Variants in NXPH2 observed in about 807,000 individuals in gnomAD.
NXPH2 encodes neurexophilin 2.
In NXPH2, 5 loss-of-function variants were observed where a neutral mutation model predicts 19.8. That is an observed-to-expected ratio of 0.25 (90% CI 0.13 to 0.53). The LOEUF (loss-of-function observed/expected upper bound fraction) is 0.53, where lower values mean the gene tolerates loss of function less well. Among genes scored for constraint, NXPH2 ranks in the 20% least tolerant of loss-of-function variants. The pLI, the probability that NXPH2 is intolerant of heterozygous loss-of-function variation, is 0.96. For synonymous variants in NXPH2, 154 were observed against 127.4 expected, an observed-to-expected ratio of 1.21 and a Z score of -1.41; for missense variants, 289 against 322.8, an observed-to-expected ratio of 0.90 and a Z score of 0.80.
chr2:138,727,282 A>G (rs770766174), intron 1 of NXPH2, among the ~76,000 whole-genome samples: 32 of 152,314 alleles, frequency 2.1e-4, no homozygotes, highest in South Asian at 6.2e-4. Context: ...ACTTATCTGG[A>G]TAAATATCAC....
chr2:138,757,730 A>G (rs535254463), intron 1 of NXPH2, among the ~76,000 whole-genome samples: 2 of 152,234 alleles, frequency 1.3e-5, no homozygotes, highest in African/African-American at 4.8e-5. Flanking sequence ...ATGCACACAC[A>G]GATAAAAATA....
chr2:138,730,108 C>T (rs1390301878), intron 1 of NXPH2, among the ~76,000 whole-genome samples: 2 of 152,124 alleles, frequency 1.3e-5, no homozygotes, highest in East Asian at 3.8e-4. Flanking sequence ...ATAATTGCTT[C>T]CTCTTACAAG....
At chr2:138,727,861 G>A (rs1250524771) in intron 1 of NXPH2, among the ~76,000 whole-genome samples, 1 of 152,048 alleles carries the variant, frequency 6.6e-6, no homozygotes, top group Non-Finnish European at 1.5e-5. Context: ...TGTGTACCTT[G>A]CCAATCTTTC....
chr2:138,700,543 G>A (rs1680904206), intron 1 of NXPH2, among the ~76,000 whole-genome samples: 1 of 152,076 alleles, frequency 6.6e-6, no homozygotes, highest in South Asian at 2.1e-4. Context: ...ATTTTGCACT[G>A]ACATTTAATT....
intron 1 of NXPH2, among the ~76,000 whole-genome samples, chr2:138,755,016 T>C (rs372965894): frequency 6.6e-6 from 1 of 152,200 alleles, no homozygotes. Context: ...ACATCTTCTA[T>C]GATTAGGTAT....
intron 1 of NXPH2, among the ~76,000 whole-genome samples, chr2:138,734,287 G>C (rs1483866893): frequency 6.6e-6 from 1 of 152,166 alleles, no homozygotes; most frequent in Non-Finnish European, 1.5e-5. Context: ...TAAAGGGCAG[G>C]TCTAGAATTC....
chr2:138,720,551 C>T (rs1254495528), intron 1 of NXPH2, among the ~76,000 whole-genome samples: 1 of 152,182 alleles, frequency 6.6e-6, no homozygotes, highest in Non-Finnish European at 1.5e-5. Context: ...TATGTCACTG[C>T]AAAATGGATG....
chr2:138,682,439 G>T (rs564791416), intron 1 of NXPH2, among the ~76,000 whole-genome samples: 1 of 152,102 alleles, frequency 6.6e-6, no homozygotes. Flanking sequence ...ATTAAAAGAA[G>T]AATGACAAAA....
chr2:138,689,328 C>T (rs1680710012), intron 1 of NXPH2, among the ~76,000 whole-genome samples: 1 of 152,096 alleles, frequency 6.6e-6, no homozygotes. Flanking sequence ...GACTCCTGGC[C>T]CCAGAGGAGG....
rs376842518 is a variant in NXPH2, at chr2:138,671,441, C to T, written c.276G>A (p.Glu92=). Residue 92 remains glutamate, a synonymous_variant, in exon 2 of 2, where the codon GAG becomes GAA. Transcript: ENST00000272641. The stretch of plus-strand genomic sequence containing the variant: ...GCCTCCGTTTAGTTCTTGCCAATGG[C>T]TCCTGAATCTCCGTGATGTTGGCCA... The part of the protein sequence containing the change: ...DWLANITEIQ[E]PLARTKRRPI... 191 of 1,613,810 alleles carry T rather than the reference C, an allele frequency of 1.2e-4. No individual in the cohort carries two copies. The highest frequency in any genetic ancestry group is 3.2e-4 in the South Asian group (29 of 91,070).
chr2:138,756,706 A>C (rs141799440), intron 1 of NXPH2, among the ~76,000 whole-genome samples: 1 of 152,190 alleles, frequency 6.6e-6, no homozygotes, highest in Non-Finnish European at 1.5e-5. Flanking sequence ...TAGCAACTCT[A>C]TTGGCAGAAG....
chr2:138,759,957 C>T, intron 1 of NXPH2, among the ~76,000 whole-genome samples: 1 of 152,006 alleles, frequency 6.6e-6, no homozygotes, highest in East Asian at 1.9e-4. Context: ...ACTTGATCTC[C>T]TGACCTTGTG....
At chr2:138,698,733 G>C (rs1680867333) in intron 1 of NXPH2, among the ~76,000 whole-genome samples, 1 of 152,042 alleles carries the variant, frequency 6.6e-6, no homozygotes, top group Non-Finnish European at 1.5e-5. Flanking sequence ...GCGTGCCTGT[G>C]GTTCCAGCTA....
intron 1 of NXPH2, among the ~76,000 whole-genome samples, chr2:138,697,248 G>A (rs1278479521): frequency 1.3e-5 from 2 of 152,098 alleles, no homozygotes; most frequent in African/African-American, 4.8e-5. Flanking sequence ...GATTCTGGTG[G>A]TGGTTATACA....
chr2:138,670,695 G>T lies in NXPH2; in HGVS notation c.*227C>A, dbSNP rs775312069. ...TTAGTCATCTTGCATGAAAGTGATGGTTTCATAAACAGTTTAACTTTTTAG... is the reference window on the plus strand; with the variant it reads ...TTAGTCATCTTGCATGAAAGTGATGTTTTCATAAACAGTTTAACTTTTTAG... On this transcript the variant is annotated 3_prime_UTR_variant, in exon 2 of 2. Coordinates refer to ENST00000272641, the MANE Select transcript of NXPH2 (RefSeq NM_007226.3). 20 of 406,744 alleles carry T rather than the reference G, an allele frequency of 4.9e-5. No individual in the cohort carries two copies. The highest frequency in any genetic ancestry group is 1.2e-4 in the African/African-American group (6 of 48,870). 25.2% of individuals were successfully genotyped at this position (406,744 alleles called of 1,614,324 possible).
rs752239943 is a variant in NXPH2, at chr2:138,671,225, G to A, written c.492C>T (p.Ser164=). 9.3e-6 allele frequency: 15 copies of A among 1,613,588 alleles called. No homozygotes were observed. In the South Asian group the frequency reaches 1.6e-4, roughly 18 times the overall value. Residue 164 remains serine, a synonymous_variant, in exon 2 of 2, where the codon TCC becomes TCT. Coordinates refer to ENST00000272641, the MANE Select transcript of NXPH2 (RefSeq NM_007226.3). ...GNVSVSLVPP[S]KVVEFEVSPQ... is the part of the protein sequence containing the mutation. ...GGGAAACTTCAAATTCCACCACCTT[G>A]GAGGGTGGTACCAAGCTCACTGAAA...
rs183625008 is a variant in NXPH2, at chr2:138,744,473, A to G, written c.51+35718T>C. ...AAAAAAAAAATAAACTGGCTGTTCC[A>G]TTAGTACCCAAAGGCATCTTTTGGA... On this transcript the variant is annotated intron_variant, in intron 1 of 1. Coordinates refer to ENST00000272641, the MANE Select transcript of NXPH2 (RefSeq NM_007226.3). 6.8e-3 allele frequency among the ~76,000 whole-genome samples: 1,037 copies of G among 152,244 alleles called. 11 individuals are homozygous for G. Among genetic ancestry groups the G allele is most frequent in the African/African-American group, 0.023 (937 of 41,554 alleles).
chr2:138,678,871 C>A (rs1446249851), intron 1 of NXPH2, among the ~76,000 whole-genome samples: 1 of 152,082 alleles, frequency 6.6e-6, no homozygotes, highest in Non-Finnish European at 1.5e-5. Flanking sequence ...TCTTTAGGTG[C>A]GGCTTTCTTT....
intron 1 of NXPH2, among the ~76,000 whole-genome samples, chr2:138,691,514 T>C (rs565009352): frequency 1.3e-5 from 2 of 152,284 alleles, no homozygotes; most frequent in South Asian, 4.1e-4. Flanking sequence ...AAGCAAATAT[T>C]TCTCTGTGCC....
Sources: gnomAD v4.1 joint callset for allele counts (sites outside exome capture counted in the v4.1 genomes callset) on GRCh38, gnomAD v4.1.1 for gene constraint, MANE v1.5 for transcripts, NCBI Gene and HGNC (gene_info 2026-07-23, HGNC 2026-07-21) for gene names.